AIG1: variants seen among roughly 807,000 people sequenced by gnomAD.
AIG1 encodes the protein androgen induced 1.
A neutral mutation model predicts 31.4 loss-of-function variants in AIG1; 23 were observed. The ratio of observed to expected loss-of-function variants is 0.73; its 90% CI spans 0.53 to 1.04. The LOEUF is 1.04. AIG1 is among the 50% of genes least tolerant of loss of function. The pLI, the probability that AIG1 is intolerant of heterozygous loss-of-function variation, is 0.00. For missense variants in AIG1, 274 were observed against 295.0 expected, an observed-to-expected ratio of 0.93 and a Z score of 0.52; for synonymous variants, 100 against 110.5, an observed-to-expected ratio of 0.90 and a Z score of 0.60.
At chr6:143,198,922 G>A (rs1790472329) in intron 3 of AIG1, among the ~76,000 whole-genome samples, 1 of 152,148 alleles carries the variant, frequency 6.6e-6, no homozygotes, top group Non-Finnish European at 1.5e-5. Context: ...GGGACAAATA[G>A]CAGCCTTTGC....
At position 143,327,090 on chromosome 6, in the gene AIG1, T is replaced by C. The variant is rs957565091; in HGVS notation, c.516-6192T>C. Among the ~76,000 whole-genome samples, 10 of 152,248 alleles carry C rather than the reference T, an allele frequency of 6.6e-5. No homozygotes were observed. The South Asian group carries it at 1.0e-3, about 16-fold the overall frequency. ...TGACATGGAAGGAGGAAAAAATAGA[T>C]GTAGAGACAAATTAGAAACTATCAC... On this transcript the variant is annotated intron_variant, in intron 4 of 5. Coordinates refer to ENST00000357847, the MANE Select transcript of AIG1 (RefSeq NM_016108.4). This position sits in a 1 kb window ranked among gnomAD's most constrained non-coding sequence, Gnocchi z 5.3.
In AIG1 at chr6:143,149,480, T is replaced by C. The variant is rs78864058; in HGVS notation, c.297+12490T>C. ...AGGCGGGGCTTGCAGTGAGCCGAGATCGCGCCACTGCACTCGCACTCTAGG... is the reference window on the plus strand; with the variant it reads ...AGGCGGGGCTTGCAGTGAGCCGAGACCGCGCCACTGCACTCGCACTCTAGG... On this transcript the variant is annotated intron_variant, in intron 2 of 5. Transcript: ENST00000357847. 6.5e-3 allele frequency among the ~76,000 whole-genome samples: 876 copies of C among 134,954 alleles called. 9 individuals are homozygous for C. The highest frequency in any genetic ancestry group is 0.016 in the African/African-American group (564 of 34,528). 88.5% of individuals were successfully genotyped at this position (134,954 alleles called of 152,430 possible).
At chr6:143,207,059 G>C (rs959139958) in intron 3 of AIG1, among the ~76,000 whole-genome samples, 7 of 152,158 alleles carry the variant, frequency 4.6e-5, no homozygotes, top group African/African-American at 1.7e-4. Flanking sequence ...TGCTGTCCCT[G>C]TATCTATAAG....
Position 143,320,177 on chromosome 6 carries a change from C to T in AIG1, c.516-13105C>T, listed in dbSNP as rs556283090. 1.2e-4 allele frequency among the ~76,000 whole-genome samples: 18 copies of T among 152,238 alleles called. No homozygotes were observed. The South Asian group carries it at 3.7e-3, about 32-fold the overall frequency. ...TTAAAGCTACAATAAGATATCACCT[C>T]ACACCAGTTAAAATGGCTATTATAA... On this transcript the variant is annotated intron_variant, in intron 4 of 5. Coordinates refer to ENST00000357847, the MANE Select transcript of AIG1 (RefSeq NM_016108.4).
rs1321936318 is a variant in AIG1, at chr6:143,256,691, T to TTA, written c.400-27411_400-27410dup. 1.3e-5 allele frequency among the ~76,000 whole-genome samples: 2 copies of TTA among 152,226 alleles called. No homozygotes were observed. Among genetic ancestry groups the TTA allele is most frequent in the Non-Finnish European group, 2.9e-5 (2 of 68,048 alleles). ...GCATTTGCCTAATCCAGTGTATACT[T>TTA]TATATATATGATTCCCCACTTCATT... is the stretch of plus-strand genomic sequence containing the variant. On this transcript the variant is annotated intron_variant, in intron 3 of 5. Coordinates refer to ENST00000357847, the MANE Select transcript of AIG1 (RefSeq NM_016108.4). This position sits in a 1 kb window ranked among gnomAD's most constrained non-coding sequence, Gnocchi z 4.6.
chr6:143,119,382 G>T (rs1281318006), intron 1 of AIG1, among the ~76,000 whole-genome samples: 1 of 152,136 alleles, frequency 6.6e-6, no homozygotes, highest in Non-Finnish European at 1.5e-5. Flanking sequence ...TCCATCTATG[G>T]GGTGATACTT....
chr6:143,287,206 A>C (rs1274400703), intron 4 of AIG1, among the ~76,000 whole-genome samples: 1 of 152,052 alleles, frequency 6.6e-6, no homozygotes. Context: ...AGCATTCCGG[A>C]TACATACAGA....
At position 143,299,628 on chromosome 6, in the gene AIG1, G is replaced by A. The variant is rs1300075833; in HGVS notation, c.515+15403G>A. On this transcript the variant is annotated intron_variant, in intron 4 of 5. Coordinates refer to ENST00000357847, the MANE Select transcript of AIG1 (RefSeq NM_016108.4). This position sits in a 1 kb window ranked among gnomAD's most constrained non-coding sequence, Gnocchi z 4.1. ...AGTAGCAGAGGGATTTCAAGCCACTGAGAGGGTCTGATTGAATTCGAAAAC... is the reference window on the plus strand; with the variant it reads ...AGTAGCAGAGGGATTTCAAGCCACTAAGAGGGTCTGATTGAATTCGAAAAC... The A allele has an allele frequency of 6.6e-6, 1 of 152,226 alleles. No individual in the cohort carries two copies. The highest frequency in any genetic ancestry group is 1.5e-5 in the Non-Finnish European group (1 of 68,054). 9.4% of individuals were successfully genotyped at this position (152,226 alleles called of 1,614,324 possible). A position where few individuals can be genotyped will look rare whatever the true frequency, so the allele number is the denominator to read the frequency against.
At position 143,203,349 on chromosome 6, in the gene AIG1, G is replaced by A. The variant is rs1261239009; in HGVS notation, c.399+38166G>A. On this transcript the variant is annotated intron_variant, in intron 3 of 5. Transcript: ENST00000357847. ...CTGTTCTATACTCTACTATCTCCAT[G>A]TTTCCCACAGCCAGATGGAATAGTG... is the stretch of plus-strand genomic sequence containing the variant. Among the ~76,000 whole-genome samples the A allele has an allele frequency of 2.6e-5, 4 of 152,252 alleles. No homozygotes were observed. In the East Asian group the frequency reaches 5.8e-4, roughly 22 times the overall value.
chr6:143,216,045 G>A (rs1792004692), intron 3 of AIG1, among the ~76,000 whole-genome samples: 3 of 151,898 alleles, frequency 2.0e-5, no homozygotes, highest in Admixed American at 2.0e-4. Flanking sequence ...CTGCTCTGAG[G>A]CACTGTGATT....
chr6:143,310,063 C>T (rs888947168), intron 4 of AIG1, among the ~76,000 whole-genome samples: 1 of 151,894 alleles, frequency 6.6e-6, no homozygotes. Flanking sequence ...CTTCAACACC[C>T]CTCTTTTAGC....
intron 3 of AIG1, among the ~76,000 whole-genome samples, chr6:143,173,916 A>G (rs943198335): frequency 2.0e-5 from 3 of 152,160 alleles, no homozygotes; most frequent in Admixed American, 1.3e-4. Flanking sequence ...GTTCTAGGGT[A>G]TAGGTTAAGT....
intron 3 of AIG1, among the ~76,000 whole-genome samples, chr6:143,172,745 T>C (rs1171492944): frequency 2.6e-5 from 4 of 152,196 alleles, no homozygotes; most frequent in African/African-American, 4.8e-5. Context: ...ATCTCGCTTC[T>C]TGTTATTGGT....
intron 3 of AIG1, among the ~76,000 whole-genome samples, chr6:143,282,647 C>A (rs1317768727): frequency 2.0e-5 from 3 of 152,184 alleles, no homozygotes; most frequent in Non-Finnish European, 4.4e-5. Flanking sequence ...CTGATTTTCT[C>A]AGAATGCCAC....
At chr6:143,252,249 A>G (rs1433248475) in intron 3 of AIG1, among the ~76,000 whole-genome samples, 1 of 152,202 alleles carries the variant, frequency 6.6e-6, no homozygotes, top group African/African-American at 2.4e-5. Context: ...TCTCCCGAGT[A>G]GCTGGGATTA....
In AIG1 at chr6:143,327,544, C is replaced by A; in HGVS notation, c.516-5738C>A. On this transcript the variant is annotated intron_variant, in intron 4 of 5. Coordinates refer to ENST00000357847, the MANE Select transcript of AIG1 (RefSeq NM_016108.4). This position sits in a 1 kb window ranked among gnomAD's most constrained non-coding sequence, Gnocchi z 5.3. ...CATACTGTAACCATGTGTGGTTGTCCAGAAAATATTCTGAGGATGAAGATT... is the reference window on the plus strand; with the variant it reads ...CATACTGTAACCATGTGTGGTTGTCAAGAAAATATTCTGAGGATGAAGATT... 2 of 379,780 alleles carry A rather than the reference C, an allele frequency of 5.3e-6. No homozygotes were observed. Among genetic ancestry groups the A allele is most frequent in the South Asian group, 2.4e-5 (1 of 42,434 alleles). The allele number at this position is 379,780 out of a possible 1,614,324, so 23.5% of individuals were successfully genotyped here. A position where few individuals can be genotyped will look rare whatever the true frequency, so the allele number is the denominator to read the frequency against.
At chr6:143,163,130 A>C (rs1183121602) in intron 2 of AIG1, among the ~76,000 whole-genome samples, 1 of 152,180 alleles carries the variant, frequency 6.6e-6, no homozygotes, top group East Asian at 1.9e-4. Context: ...TTTGAATAGC[A>C]AGGCTGGAAT....
At chr6:143,070,100 G>A (rs572053262) in intron 1 of AIG1, among the ~76,000 whole-genome samples, 1 of 152,192 alleles carries the variant, frequency 6.6e-6, no homozygotes, top group Non-Finnish European at 1.5e-5. Flanking sequence ...TTCGAAGCAG[G>A]TAGTGAGAAT....
At chr6:143,064,182 G>A (rs532457015) in intron 1 of AIG1, among the ~76,000 whole-genome samples, 5 of 152,318 alleles carry the variant, frequency 3.3e-5, no homozygotes, top group Admixed American at 2.6e-4. Flanking sequence ...GTTGCAGATG[G>A]AATTAAGATT....
Sources: allele counts gnomAD v4.1 joint callset (sites outside exome capture counted in the v4.1 genomes callset), GRCh38; gene constraint gnomAD v4.1.1; non-coding constraint Gnocchi (gnomAD v3.1); transcripts MANE v1.5; gene names NCBI Gene and HGNC (gene_info 2026-07-23, HGNC 2026-07-21).